Variants in COBL observed in about 807,000 individuals in gnomAD.
COBL encodes the protein protein cordon-bleu.
Under a neutral mutation model 98.8 loss-of-function variants are expected in COBL, and 51 were observed. The ratio of observed to expected loss-of-function variants is 0.52; its 90% CI spans 0.41 to 0.65. The LOEUF (loss-of-function observed/expected upper bound fraction) is 0.65. Among genes scored for constraint, COBL ranks in the 30% least tolerant of loss-of-function variants. The pLI, the probability that COBL is intolerant of heterozygous loss-of-function variation, is 0.00. For synonymous variants in COBL, 634 were observed against 651.7 expected, an observed-to-expected ratio of 0.97 and a Z score of 0.41; for missense variants, 1,617 against 1,617.5, an observed-to-expected ratio of 1.00 and a Z score of 0.01.
intron 7 of COBL, chr7:51,083,034 C>G: frequency 6.5e-7 from 1 of 1,534,882 alleles, no homozygotes; most frequent in East Asian, 2.4e-5. Context: ...TTAACACAGT[C>G]GGAATGAAGC....
chr7:51,016,831 C>T lies in COBL; in HGVS notation c.*720G>A, dbSNP rs545264029. 2.5e-6 allele frequency: 1 copy of T among 397,950 alleles called. No homozygotes were observed. Among genetic ancestry groups the T allele is most frequent in the African/African-American group, 2.1e-5 (1 of 48,738 alleles). 24.7% of individuals were successfully genotyped at this position (397,950 alleles called of 1,614,324 possible). A position where few individuals can be genotyped will look rare whatever the true frequency, so the allele number is the denominator to read the frequency against. ...CCATCCACTCCAGTGGTGGTGTGAC[C>T]TCAGCCACCCGCCACCCTTGCAGGA... On this transcript the variant is annotated 3_prime_UTR_variant, in exon 13 of 13. Transcript: ENST00000265136.
At position 51,018,251 on chromosome 7, in the gene COBL, CGAT is replaced by C. The variant is rs1486232178; in HGVS notation, c.3769-686_3769-684del. The C allele has an allele frequency of 1.7e-4, 24 of 142,092 alleles. 1 individual carries two copies. The highest frequency in any genetic ancestry group is 1.1e-3 in the South Asian group (5 of 4,414). The allele number at this position is 142,092 out of a possible 1,614,324, so 8.8% of individuals were successfully genotyped here. On this transcript the variant is annotated intron_variant, in intron 12 of 12. Transcript: ENST00000265136. ...ATGGTGGTGGTAACTGTGGTGGTGA[CGAT>C]GGTGGTGGTGGTGGTGATGGTGATG...
chr7:51,070,182 G>A (rs747096568), intron 7 of COBL, among the ~76,000 whole-genome samples: 4 of 152,074 alleles, frequency 2.6e-5, no homozygotes, highest in East Asian at 1.9e-4. Context: ...CCAATTATGC[G>A]TTGCTATTGG....
chr7:51,094,735 T>C (rs929150980), intron 6 of COBL, among the ~76,000 whole-genome samples: 1 of 152,112 alleles, frequency 6.6e-6, no homozygotes, highest in African/African-American at 2.4e-5. Context: ...TGGAATATAA[T>C]ATGTTCACAA....
At chr7:51,132,139 C>A (rs1339290688) in intron 6 of COBL, among the ~76,000 whole-genome samples, 1 of 152,212 alleles carries the variant, frequency 6.6e-6, no homozygotes, top group East Asian at 1.9e-4. Flanking sequence ...TAAATATAAT[C>A]TGCTACTTGG....
chr7:51,018,905 A>ATATATAT (rs1424809864), intron 12 of COBL, among the ~76,000 whole-genome samples: 1 of 34,436 alleles, frequency 2.9e-5, no homozygotes, highest in Non-Finnish European at 5.3e-5. Context: ...AAAAAAAAAA[A>ATATATAT]ATATATATAT....
chr7:51,153,894 C>A (rs997620736), intron 5 of COBL, among the ~76,000 whole-genome samples: 6 of 152,194 alleles, frequency 3.9e-5, no homozygotes, highest in Admixed American at 2.0e-4. Context: ...TCCTTAAGTT[C>A]TCGCCAATAA....
chr7:51,020,496 C>A (rs542194736), intron 12 of COBL, among the ~76,000 whole-genome samples: 2 of 152,288 alleles, frequency 1.3e-5, no homozygotes, highest in East Asian at 3.9e-4. Context: ...GAATGAAGCA[C>A]TAGACATGAA....
rs2128870611 is a variant in COBL at position 51,027,893 on chromosome 7, T to C, written c.3203A>G (p.Glu1068Gly). The change falls in exon 10 of 13, where the codon GAA (glutamate) becomes GGA (glycine). Residue 1068 changes from glutamate to glycine, a missense_variant. Glu to Gly is a moderately conservative substitution (Grantham distance 98). Coordinates refer to ENST00000265136, the MANE Select transcript of COBL (RefSeq NM_015198.5). ...TESHILLERE[E>G]KPSVFSTDGN... Reference sequence around the variant, plus strand: ...ATCTGTAGAGAACACACTGGGCTTTTCCTCTCTTTCTAGGAGAATGTGGCT... The same window carrying C: ...ATCTGTAGAGAACACACTGGGCTTTCCCTCTCTTTCTAGGAGAATGTGGCT... 1.2e-6 allele frequency: 2 copies of C among 1,614,216 alleles called. No homozygotes were observed. Among genetic ancestry groups the C allele is most frequent in the Non-Finnish European group, 1.7e-6 (2 of 1,180,048 alleles).
intron 2 of COBL, among the ~76,000 whole-genome samples, chr7:51,205,627 T>C (rs759374144): frequency 7.1e-6 from 1 of 141,004 alleles, no homozygotes; most frequent in Non-Finnish European, 1.5e-5. Context: ...TGTTTGTTTG[T>C]TTTTGTTTTT....
chr7:51,193,070 T>C (rs896393174), intron 3 of COBL, among the ~76,000 whole-genome samples: 10 of 152,222 alleles, frequency 6.6e-5, no homozygotes, highest in Admixed American at 2.6e-4. Flanking sequence ...GTGGCTATCA[T>C]ATAAGAAAGT....
intron 5 of COBL, among the ~76,000 whole-genome samples, chr7:51,142,920 T>A (rs1784674120): frequency 6.6e-6 from 1 of 152,074 alleles, no homozygotes; most frequent in African/African-American, 2.4e-5. Flanking sequence ...GCAGGCAGGA[T>A]CCTGTGACAG....
rs1418650710 is a variant in COBL at position 51,316,601 on chromosome 7, G to C, written c.33C>G (p.Pro11=). 1.0e-5 allele frequency: 12 copies of C among 1,204,434 alleles called. No individual in the cohort carries two copies. The East Asian group carries it at 3.8e-4, about 38-fold the overall frequency. The allele number at this position is 1,204,434 out of a possible 1,614,324, so 74.6% of individuals were successfully genotyped here. A position where few individuals can be genotyped will look rare whatever the true frequency, so the allele number is the denominator to read the frequency against. The change falls in exon 1 of 13, where the codon CCC becomes CCG. Residue 11 remains proline (P), a synonymous_variant. Coordinates refer to ENST00000265136, the MANE Select transcript of COBL (RefSeq NM_015198.5). The part of the protein sequence containing the change: MDAPRASAAK[P]PTGRKMKARA... ...ACCGCGGGGCCGCTTACCCGGTCGG[G>C]GGCTTGGCCGCCGAGGCGCGCGGCG...
At chr7:51,059,038 A>G (rs1294489274) in intron 7 of COBL, among the ~76,000 whole-genome samples, 4 of 152,168 alleles carry the variant, frequency 2.6e-5, no homozygotes, top group South Asian at 4.1e-4. Flanking sequence ...GTGGGTGAGT[A>G]TAAGTGCACC....
chr7:51,251,741 C>T (rs1048444052), intron 1 of COBL, among the ~76,000 whole-genome samples: 1 of 152,156 alleles, frequency 6.6e-6, no homozygotes, highest in Non-Finnish European at 1.5e-5. Flanking sequence ...ATTGAACACA[C>T]AGTGATGAGA....
intron 1 of COBL, among the ~76,000 whole-genome samples, chr7:51,231,920 A>G (rs1285739176): frequency 6.6e-6 from 1 of 151,992 alleles, no homozygotes; most frequent in East Asian, 1.9e-4. Context: ...CCTCGGGGGG[A>G]GGGGACCCAA....
intron 3 of COBL, among the ~76,000 whole-genome samples, chr7:51,191,552 T>C (rs1790118934): frequency 6.6e-6 from 1 of 150,652 alleles, no homozygotes; most frequent in African/African-American, 2.4e-5. Context: ...GATATATATA[T>C]ATATAAATAC....
intron 5 of COBL, among the ~76,000 whole-genome samples, chr7:51,156,799 G>A (rs925488040): frequency 2.6e-5 from 4 of 151,424 alleles, no homozygotes; most frequent in African/African-American, 9.7e-5. Flanking sequence ...TGAAGAATGG[G>A]AACTTTCATT....
At chr7:51,034,150 T>A (rs1208682179) in intron 8 of COBL, 3 of 152,596 alleles carry the variant, frequency 2.0e-5, no homozygotes, top group African/African-American at 4.8e-5. Context: ...ACGCTGCTGC[T>A]TGGTTCCAGG....
Sources: allele counts gnomAD v4.1 joint callset (sites outside exome capture counted in the v4.1 genomes callset), GRCh38; gene constraint gnomAD v4.1.1; transcripts MANE v1.5; gene names NCBI Gene and HGNC (gene_info 2026-07-23, HGNC 2026-07-21).